NCOA3: variants seen among roughly 807,000 people sequenced by gnomAD.
NCOA3 encodes nuclear receptor coactivator 3, also known as CBP-interacting protein.
NCOA3 carries 51 observed loss-of-function variants against 158.8 expected under a neutral mutation model. That is an observed-to-expected ratio of 0.32 (90% confidence interval 0.26 to 0.41). The LOEUF is 0.41. Among genes scored for constraint, NCOA3 ranks in the 10% least tolerant of loss-of-function variants. The pLI, the probability that NCOA3 is intolerant of heterozygous loss-of-function variation, is 1.00. For synonymous variants in NCOA3, 537 were observed against 592.4 expected (o/e 0.91, Z 1.36); for missense variants, 1,510 against 1,746.6 (o/e 0.86, Z 2.41).
chr20:47,529,629 T>A (rs1311090159), intron 1 of NCOA3, among the ~76,000 whole-genome samples: 1 of 152,192 alleles, frequency 6.6e-6, no homozygotes, highest in Non-Finnish European at 1.5e-5. Flanking sequence ...GCTGGGCTGG[T>A]CTCGAACTCT....
At chr20:47,640,173 C>A in intron 16 of NCOA3, 122 bp downstream of exon 16, 2 of 1,324,884 alleles carry the variant, frequency 1.5e-6, no homozygotes, top group Non-Finnish European at 2.1e-6. Context: ...TACTGGGTTG[C>A]CAGCTGGGCA....
At chr20:47,532,150 A>C (rs1214856595) in intron 1 of NCOA3, among the ~76,000 whole-genome samples, 1 of 102,806 alleles carries the variant, frequency 9.7e-6, no homozygotes, top group Non-Finnish European at 2.0e-5. Context: ...TGCAGGGTTT[A>C]CGTTTTAGAT....
At chr20:47,589,139 C>T (rs1279400855) in intron 2 of NCOA3, among the ~76,000 whole-genome samples, 2 of 152,038 alleles carry the variant, frequency 1.3e-5, no homozygotes, top group South Asian at 2.1e-4. Context: ...GTGATCCACC[C>T]GCCTCAGCTT....
chr20:47,618,574 G>A (rs925618242), intron 2 of NCOA3, among the ~76,000 whole-genome samples: 1 of 151,996 alleles, frequency 6.6e-6, no homozygotes, highest in African/African-American at 2.4e-5. Context: ...GGCTGGTCTC[G>A]AACTCCCGAC....
chr20:47,585,652 A>G (rs1407699947), intron 2 of NCOA3, among the ~76,000 whole-genome samples: 1 of 152,124 alleles, frequency 6.6e-6, no homozygotes, highest in Non-Finnish European at 1.5e-5. Context: ...CCTTGTCTCT[A>G]CTGCTTCCTT....
intron 1 of NCOA3, among the ~76,000 whole-genome samples, chr20:47,524,437 A>G (rs2084394320): frequency 6.6e-6 from 1 of 152,300 alleles, no homozygotes; most frequent in Admixed American, 6.5e-5. Context: ...TTCCATACCC[A>G]CCACTCTGAT....
chr20:47,521,486 G>T (rs1455815840), intron 1 of NCOA3, among the ~76,000 whole-genome samples: 1 of 152,066 alleles, frequency 6.6e-6, no homozygotes, highest in Non-Finnish European at 1.5e-5. Context: ...CTGCTGTGTC[G>T]TTCCCCTATT....
intron 1 of NCOA3, among the ~76,000 whole-genome samples, chr20:47,518,173 C>G (rs983187808): frequency 6.6e-6 from 1 of 151,550 alleles, no homozygotes; most frequent in Non-Finnish European, 1.5e-5. Flanking sequence ...ATAGGGAGAC[C>G]CCGTCTCTGC....
intron 1 of NCOA3, among the ~76,000 whole-genome samples, chr20:47,525,147 G>A (rs1202652139): frequency 2.0e-5 from 3 of 149,598 alleles, no homozygotes; most frequent in Non-Finnish European, 3.0e-5. Flanking sequence ...TAAGGAGCAT[G>A]CTGCCTTCAA....
chr20:47,549,814 C>T (rs531759135), intron 1 of NCOA3, among the ~76,000 whole-genome samples: 22 of 152,238 alleles, frequency 1.4e-4, no homozygotes, highest in South Asian at 2.1e-4. Context: ...AATCCTCCCA[C>T]CTTAGCTTCT....
At chr20:47,550,118 A>G (rs1054188497) in intron 1 of NCOA3, among the ~76,000 whole-genome samples, 1 of 149,720 alleles carries the variant, frequency 6.7e-6, no homozygotes, top group Non-Finnish European at 1.5e-5. Context: ...CTCCCGTTTT[A>G]CTGTGTTGTA....
chr20:47,560,770 T>G (rs2085087593), intron 1 of NCOA3, among the ~76,000 whole-genome samples: 1 of 152,178 alleles, frequency 6.6e-6, no homozygotes, highest in Non-Finnish European at 1.5e-5. Context: ...TTATATATTT[T>G]GGAATGTAAA....
At chr20:47,627,434 T>C in intron 6 of NCOA3, 127 bp from the exon 7 acceptor site, 5 of 778,726 alleles carry the variant, frequency 6.4e-6, no homozygotes, top group Non-Finnish European at 8.2e-6. Flanking sequence ...ATTGCCAGCC[T>C]GAAATGTTAG....
At chr20:47,632,128 G>A (rs1296918647) in intron 8 of NCOA3, among the ~76,000 whole-genome samples, 1 of 152,148 alleles carries the variant, frequency 6.6e-6, no homozygotes. Context: ...CTATAAATTG[G>A]GCTTCTGATC....
chr20:47,602,918 G>GT lies in NCOA3; in HGVS notation c.-19-19303dup, dbSNP rs1028792988. 2.2e-4 allele frequency among the ~76,000 whole-genome samples: 33 copies of GT among 151,758 alleles called. No homozygotes were observed. In the East Asian group the frequency reaches 5.4e-3, roughly 25 times the overall value. ...TATTAAGAGTGATGAATAGTGAAGG[G>GT]TTTTTTTTAGGCTAAATTGCCAGTG... is the stretch of plus-strand genomic sequence containing the variant. On this transcript the variant is annotated intron_variant, in intron 2 of 22. Coordinates refer to ENST00000371998, the MANE Select transcript of NCOA3 (RefSeq NM_181659.3).
intron 12 of NCOA3, among the ~76,000 whole-genome samples, chr20:47,637,259 C>T (rs1017196853): frequency 6.6e-6 from 1 of 152,200 alleles, no homozygotes; most frequent in African/African-American, 2.4e-5. Context: ...CTTTTTAGAG[C>T]ATGCCTATGA....
chr20:47,634,920 C>CTTTTT (rs66801245), intron 10 of NCOA3, among the ~76,000 whole-genome samples: 2 of 120,128 alleles, frequency 1.7e-5, no homozygotes, highest in Non-Finnish European at 3.4e-5. Flanking sequence ...TTCTCTTCTT[C>CTTTTT]TTTTTTTTTT....
chr20:47,636,998 G>T (rs1394415647), intron 12 of NCOA3, among the ~76,000 whole-genome samples: 4 of 152,034 alleles, frequency 2.6e-5, no homozygotes, highest in Admixed American at 2.6e-4. Context: ...TTTTTTCATG[G>T]AGGTGTTTAT....
intron 16 of NCOA3, 147 bp from the exon 17 acceptor site, chr20:47,642,066 T>C (rs1310246261): frequency 7.7e-6 from 5 of 647,668 alleles, no homozygotes; most frequent in Non-Finnish European, 1.2e-5. Context: ...ATTGATGCCA[T>C]TCACTCTTTT....
Sources: allele counts gnomAD v4.1 joint callset (sites outside exome capture counted in the v4.1 genomes callset), GRCh38; gene constraint gnomAD v4.1.1; transcripts MANE v1.5; gene names NCBI Gene and HGNC (gene_info 2026-07-23, HGNC 2026-07-21).